Variants in C8orf34 observed in about 807,000 individuals in gnomAD.
C8orf34 encodes chromosome 8 open reading frame 34, also known as uncharacterized protein C8orf34.
Under a neutral mutation model 68.3 loss-of-function variants are expected in C8orf34, and 65 were observed. The ratio of observed to expected loss-of-function variants is 0.95; its 90% CI spans 0.78 to 1.17. The LOEUF (loss-of-function observed/expected upper bound fraction) is 1.17, where lower values mean the gene tolerates loss of function less well. C8orf34 is among the 50% of genes most tolerant of loss of function. The pLI, the probability that C8orf34 is intolerant of heterozygous loss-of-function variation, is 0.00. For synonymous variants in C8orf34, 244 were observed against 241.2 expected (o/e 1.01, Z -0.11); for missense variants, 664 against 655.4 (o/e 1.01, Z -0.14).
intron 7 of C8orf34, among the ~76,000 whole-genome samples, chr8:68,611,837 C>A (rs995024065): frequency 2.6e-5 from 4 of 152,122 alleles, no homozygotes; most frequent in Admixed American, 1.3e-4. Context: ...TACTTACAAA[C>A]AACAAGCAGT....
At chr8:68,362,655 A>G (rs1403278261) in intron 1 of C8orf34, among the ~76,000 whole-genome samples, 4 of 152,180 alleles carry the variant, frequency 2.6e-5, no homozygotes, top group Admixed American at 2.0e-4. Flanking sequence ...ACACGGCAGG[A>G]TATTCCAACA....
chr8:68,751,537 T>TTA (rs1181490941), intron 10 of C8orf34, among the ~76,000 whole-genome samples: 1 of 152,182 alleles, frequency 6.6e-6, no homozygotes, highest in African/African-American at 2.4e-5. Flanking sequence ...AAGTGGTTTT[T>TTA]TATAGAATCT....
intron 10 of C8orf34, among the ~76,000 whole-genome samples, chr8:68,744,089 C>G (rs560047397): frequency 1.2e-4 from 19 of 152,322 alleles, no homozygotes; most frequent in African/African-American, 4.6e-4. Context: ...GACCCCCAAG[C>G]AGCCTAACTG....
At position 68,331,093 on chromosome 8, in the gene C8orf34, C is replaced by G. The variant is rs763848576; in HGVS notation, c.81C>G (p.Arg27=). Residue 27 remains arginine (R), a synonymous_variant, in exon 1 of 14, where the codon CGC becomes CGG. Coordinates refer to ENST00000518698, the MANE Select transcript of C8orf34 (RefSeq NM_052958.4). ...PGFRLSAPHA[R]VAPRAATHAR... is the part of the protein sequence containing the mutation. ...TCCGGCTCTCAGCGCCCCACGCGCG[C>G]GTGGCTCCCCGGGCTGCCACCCACG... The G allele has an allele frequency of 1.3e-6, 2 of 1,489,284 alleles. No homozygotes were observed. The highest frequency in any genetic ancestry group is 2.6e-5 in the South Asian group (2 of 77,680). The allele number at this position is 1,489,284 out of a possible 1,614,324, so 92.3% of individuals were successfully genotyped here. A position where few individuals can be genotyped will look rare whatever the true frequency, so the allele number is the denominator to read the frequency against.
intron 8 of C8orf34, among the ~76,000 whole-genome samples, chr8:68,677,202 A>G (rs2130863050): frequency 6.6e-6 from 1 of 152,346 alleles, no homozygotes; most frequent in Non-Finnish European, 1.5e-5. Context: ...GGAATTAAGA[A>G]GAAAATTGAA....
chr8:68,763,854 C>T (rs1394521010), intron 10 of C8orf34, among the ~76,000 whole-genome samples: 2 of 152,188 alleles, frequency 1.3e-5, no homozygotes, highest in African/African-American at 4.8e-5. Flanking sequence ...CATAAAAGAG[C>T]TTCACTGGTT....
At chr8:68,666,763 G>T (rs184289874) in intron 8 of C8orf34, among the ~76,000 whole-genome samples, 4 of 152,218 alleles carry the variant, frequency 2.6e-5, no homozygotes, top group Admixed American at 6.5e-5. Context: ...CATACAAAAA[G>T]AAACAATTTA....
chr8:68,361,878 T>C (rs998255997), intron 1 of C8orf34, among the ~76,000 whole-genome samples: 21 of 152,242 alleles, frequency 1.4e-4, no homozygotes, highest in African/African-American at 4.8e-4. Context: ...TTTCCATGAT[T>C]TCTAAGCTTT....
At chr8:68,495,048 C>T (rs1358382553) in intron 5 of C8orf34, among the ~76,000 whole-genome samples, 3 of 151,620 alleles carry the variant, frequency 2.0e-5, no homozygotes, top group African/African-American at 7.3e-5. Context: ...AAGTAAACTT[C>T]AGTTAGAACA....
intron 10 of C8orf34, among the ~76,000 whole-genome samples, chr8:68,741,104 G>T (rs1392481406): frequency 6.6e-6 from 1 of 152,068 alleles, no homozygotes; most frequent in Non-Finnish European, 1.5e-5. Flanking sequence ...GGAGGGGGGA[G>T]AGGATCAGTA....
chr8:68,619,433 G>T (rs1818324293), intron 7 of C8orf34, among the ~76,000 whole-genome samples: 1 of 152,164 alleles, frequency 6.6e-6, no homozygotes, highest in Non-Finnish European at 1.5e-5. Flanking sequence ...GGACAGGCAG[G>T]CTGTAATAAA....
intron 10 of C8orf34, among the ~76,000 whole-genome samples, chr8:68,737,382 C>T (rs570587671): frequency 2.0e-5 from 3 of 152,140 alleles, no homozygotes; most frequent in African/African-American, 7.2e-5. Context: ...TTTATCATAG[C>T]TCTCCACTGC....
At chr8:68,724,948 C>T (rs1821785088) in intron 10 of C8orf34, among the ~76,000 whole-genome samples, 3 of 152,010 alleles carry the variant, frequency 2.0e-5, no homozygotes, top group Admixed American at 6.6e-5. Flanking sequence ...CAGCCTTGAC[C>T]TTCTGGGCTC....
chr8:68,402,380 G>T (rs1253724361), intron 1 of C8orf34, among the ~76,000 whole-genome samples: 1 of 151,830 alleles, frequency 6.6e-6, no homozygotes, highest in Admixed American at 6.6e-5. Context: ...TTGATCCTTT[G>T]TATTGTTTTT....
chr8:68,514,312 T>C (rs1398540643), intron 5 of C8orf34, among the ~76,000 whole-genome samples: 4 of 152,094 alleles, frequency 2.6e-5, no homozygotes, highest in African/African-American at 9.7e-5. Context: ...CTCAGGCTGG[T>C]TGAGGTTTCT....
At chr8:68,588,269 T>C (rs938020566) in intron 7 of C8orf34, among the ~76,000 whole-genome samples, 3 of 152,104 alleles carry the variant, frequency 2.0e-5, no homozygotes, top group Non-Finnish European at 2.9e-5. Context: ...TGTGGAAAGA[T>C]AATTATGATG....
intron 6 of C8orf34, 43 bp from the exon 7 acceptor site, chr8:68,532,940 T>C (rs775397875): frequency 2.0e-5 from 28 of 1,368,368 alleles, no homozygotes; most frequent in Non-Finnish European, 2.8e-5. Context: ...TTGTAGATTT[T>C]CTTTACTTAT....
chr8:68,618,631 G>T (rs897282006), intron 7 of C8orf34, among the ~76,000 whole-genome samples: 1 of 152,132 alleles, frequency 6.6e-6, no homozygotes, highest in East Asian at 1.9e-4. Flanking sequence ...GCTTCCCAAA[G>T]TGCTGGGATT....
chr8:68,657,786 C>T (rs1819552211), intron 8 of C8orf34, among the ~76,000 whole-genome samples: 1 of 152,172 alleles, frequency 6.6e-6, no homozygotes, highest in South Asian at 2.1e-4. Flanking sequence ...ATTTTGAAAT[C>T]ATTCCTGCCT....
Sources: gnomAD v4.1 joint callset for allele counts (sites outside exome capture counted in the v4.1 genomes callset) on GRCh38, gnomAD v4.1.1 for gene constraint, MANE v1.5 for transcripts, NCBI Gene and HGNC (gene_info 2026-07-23, HGNC 2026-07-21) for gene names.